Variants in ENOSF1 observed in about 807,000 individuals in gnomAD.
The protein encoded by ENOSF1 is enolase superfamily member 1, also known as mitochondrial enolase superfamily member 1.
Under a neutral mutation model 68.2 loss-of-function variants are expected in ENOSF1, and 73 were observed. That is an observed-to-expected ratio of 1.07 (90% CI 0.89 to 1.30). The LOEUF is 1.30. Among genes scored for constraint, ENOSF1 ranks in the 50% most tolerant of loss-of-function variants. ENOSF1 has a pLI of 0.00. For missense variants in ENOSF1, 589 were observed against 554.5 expected, an observed-to-expected ratio of 1.06 and a Z score of -0.62; for synonymous variants, 223 against 210.4, an observed-to-expected ratio of 1.06 and a Z score of -0.52.
downstream of ENOSF1, chr18:668,947 T>C (rs1380918646): frequency 3.0e-6 from 2 of 671,552 alleles, no homozygotes; most frequent in East Asian, 5.6e-5. Context: ...ATGCACCAGA[T>C]GTCTTGTAGC....
intron 9 of ENOSF1, chr18:688,156 A>G (rs2076803730): frequency 7.0e-6 from 1 of 143,784 alleles, no homozygotes; most frequent in African/African-American, 2.9e-5. Context: ...GACGAGAGTG[A>G]AACTTCATCT....
rs926485190 is a variant in ENOSF1 at position 683,572 on chromosome 18, G to A, written c.742-192C>T. ...GAGCAGCTGCTGAGACGGGGACTCTGGCTCCAGGTACAGTCTTTAGGAGGA... is the reference window on the plus strand; with the variant it reads ...GAGCAGCTGCTGAGACGGGGACTCTAGCTCCAGGTACAGTCTTTAGGAGGA... On this transcript the variant is annotated intron_variant, in intron 10 of 15. Coordinates refer to ENST00000647584, the MANE Select transcript of ENOSF1 (RefSeq NM_017512.7). Among the ~76,000 whole-genome samples, 13 of 152,230 alleles carry A rather than the reference G, an allele frequency of 8.5e-5. 1 individual carries two copies. The highest frequency in any genetic ancestry group is 2.0e-4 in the Admixed American group (3 of 15,292).
At chr18:691,036 A>C (rs2077103698) in intron 7 of ENOSF1, 32 bp downstream of exon 7, 14 of 1,613,166 alleles carry the variant, frequency 8.7e-6, no homozygotes, top group Non-Finnish European at 1.2e-5. Flanking sequence ...AATGTTAGCA[A>C]AAACAATGAA....
downstream of ENOSF1, among the ~76,000 whole-genome samples, chr18:667,003 GGT>G (rs1349463380): frequency 3.1e-4 from 2 of 6,478 alleles, no homozygotes; most frequent in Non-Finnish European, 7.5e-4. Context: ...TGATGGAGAT[GGT>G]GATGGTGATG....
rs2075243954 is a variant in ENOSF1 at position 674,311 on chromosome 18, T to G, written c.1326A>C (p.Glu442Asp). 6.2e-7 allele frequency: 1 copy of G among 1,607,668 alleles called. No homozygotes were observed. Among genetic ancestry groups the G allele is most frequent in the Non-Finnish European group, 8.5e-7 (1 of 1,177,322 alleles). ...AGTTGTTGGGGCTGAGCACTTAATT[T>G]TCTTGAGCAGGAAGGAGTTTCTTCC... ...EVWKKLLPAQ[E>D]N The change falls in exon 16 of 16, where the codon GAA (glutamate) becomes GAC (aspartate). Residue 442 changes from glutamate to aspartate, a missense_variant. Transcript: ENST00000647584.
At position 673,014 on chromosome 18, in the gene ENOSF1, C is replaced by T; in HGVS notation, c.*1291G>A. The T allele has an allele frequency of 6.5e-7, 1 of 1,539,834 alleles. No homozygotes were observed. Among genetic ancestry groups the T allele is most frequent in the Non-Finnish European group, 8.9e-7 (1 of 1,126,322 alleles). On this transcript the variant is annotated 3_prime_UTR_variant, in exon 16 of 16. Transcript: ENST00000647584. The stretch of plus-strand genomic sequence containing the variant: ...GCTGTTTAGGGTGCTTTCAAAGGAG[C>T]TCGAAGGATATTGTCAGTCTTTAGG...
intron 11 of ENOSF1, chr18:683,044 A>G: frequency 1.6e-6 from 1 of 612,926 alleles, no homozygotes; most frequent in South Asian, 2.8e-5. Context: ...ACAAACAGAA[A>G]TAAGGGCAAA....
chr18:668,465 C>T (rs16948305), downstream of ENOSF1, among the ~76,000 whole-genome samples: 19,104 of 152,128 alleles, frequency 0.13, 1,284 homozygotes, highest in Non-Finnish European at 0.15. Context: ...GAGCAAAGTA[C>T]AAGGTGGTGT....
At chr18:702,583 A>C (rs1293159107) in intron 2 of ENOSF1, among the ~76,000 whole-genome samples, 1 of 151,778 alleles carries the variant, frequency 6.6e-6, no homozygotes, top group African/African-American at 2.4e-5. Context: ...TCTCAAAAAA[A>C]AGAAACATTA....
chr18:685,099 A>T (rs1485005127), intron 10 of ENOSF1, among the ~76,000 whole-genome samples: 1 of 152,134 alleles, frequency 6.6e-6, no homozygotes, highest in Non-Finnish European at 1.5e-5. Context: ...CCTGGCCTCA[A>T]GTGATCCACC....
chr18:678,895 C>T (rs184604774), intron 11 of ENOSF1, among the ~76,000 whole-genome samples, 158 bp from the exon 12 acceptor site: 19 of 152,308 alleles, frequency 1.2e-4, no homozygotes, highest in African/African-American at 3.8e-4. Context: ...CACATGCGTG[C>T]GGGAGGGCTC....
rs2853535 is a variant in ENOSF1, at chr18:671,057, C to T, written c.*3248G>A. 242,704 of 667,460 alleles carry T rather than the reference C, an allele frequency of 0.36. 47,890 individuals are homozygous for T. Among genetic ancestry groups the T allele is most frequent in the East Asian group, 0.66 (24,030 of 36,504 alleles). 41.3% of individuals were successfully genotyped at this position (667,460 alleles called of 1,614,324 possible). On this transcript the variant is annotated 3_prime_UTR_variant, in exon 16 of 16. Coordinates refer to ENST00000647584, the MANE Select transcript of ENOSF1 (RefSeq NM_017512.7). ...GAAGGTTTTCTGGCCCTGTGGTATA[C>T]GCACTAACAGATCTATACAGGTTGT...
Position 684,197 on chromosome 18 carries a change from ATG to A in ENOSF1, c.742-819_742-818del. On this transcript the variant is annotated intron_variant, in intron 10 of 15. Coordinates refer to ENST00000647584, the MANE Select transcript of ENOSF1 (RefSeq NM_017512.7). The stretch of plus-strand genomic sequence containing the variant: ...TTTTTAGTAGAGACGGGGTTTCACC[ATG>A]TTAGCCAGGATGGTCTCAATCTCCT... 6.6e-5 allele frequency among the ~76,000 whole-genome samples: 10 copies of A among 151,558 alleles called. 1 individual carries two copies. In the South Asian group the frequency reaches 2.1e-3, roughly 32 times the overall value.
chr18:690,501 T>C (rs2077034785), intron 8 of ENOSF1, 48 bp downstream of exon 8: 4 of 1,597,500 alleles, frequency 2.5e-6, no homozygotes, highest in Non-Finnish European at 2.6e-6. Context: ...AAAAACAGGT[T>C]GGTTTCTCCC....
intron 1 of ENOSF1, among the ~76,000 whole-genome samples, chr18:707,994 G>A (rs1046442853): frequency 1.3e-5 from 2 of 151,358 alleles, no homozygotes; most frequent in Non-Finnish European, 2.9e-5. Context: ...CAAGTAGCTG[G>A]GATTACAGGC....
At chr18:710,889 ATTTAT>A (rs1250583134) in intron 1 of ENOSF1, among the ~76,000 whole-genome samples, 1 of 152,212 alleles carries the variant, frequency 6.6e-6, no homozygotes, top group African/African-American at 2.4e-5. Flanking sequence ...AATTTCCAAC[ATTTAT>A]TTTGAGTTCC....
Position 694,434 on chromosome 18 carries a change from C to G in ENOSF1, c.310-100G>C, listed in dbSNP as rs537479400. On this transcript the variant is annotated intron_variant, in intron 3 of 15. Coordinates refer to ENST00000647584, the MANE Select transcript of ENOSF1 (RefSeq NM_017512.7). ...AAACCCAGGACTTTGGGACCAAGACCAGCCTGGCCAACATGGTGAAACCCC... is the reference window on the plus strand; with the variant it reads ...AAACCCAGGACTTTGGGACCAAGACGAGCCTGGCCAACATGGTGAAACCCC... The G allele has an allele frequency of 1.8e-5, 19 of 1,051,254 alleles. No individual in the cohort carries two copies. The South Asian group carries it at 2.8e-4, about 15-fold the overall frequency. 65.1% of individuals were successfully genotyped at this position (1,051,254 alleles called of 1,614,324 possible). A position where few individuals can be genotyped will look rare whatever the true frequency, so the allele number is the denominator to read the frequency against.
chr18:691,117 TAAAAAGCATC>T lies in ENOSF1; in HGVS notation c.497-21_497-12del, dbSNP rs778882759. The T allele has an allele frequency of 2.1e-5, 34 of 1,614,012 alleles. No homozygotes were observed. Among genetic ancestry groups the T allele is most frequent in the Non-Finnish European group, 3.4e-6 (4 of 1,180,010 alleles). ...CTTTCTGCAGTATTTCTGGAAGAAA[TAAAAAGCATC>T]ACTCACTCTTTTAGGAAACAAAGCA... On this transcript the variant is annotated splice_polypyrimidine_tract_variant and intron_variant, in intron 6 of 15. Coordinates refer to ENST00000647584, the MANE Select transcript of ENOSF1 (RefSeq NM_017512.7).
At chr18:665,274 C>A in the ENOSF1 span, among the ~76,000 whole-genome samples, 1 of 150,754 alleles carries the variant, frequency 6.6e-6, no homozygotes, top group African/African-American at 2.4e-5. Flanking sequence ...GGAATTTATC[C>A]ATTTCTTCTA....
Sources: gnomAD v4.1 joint callset for allele counts (sites outside exome capture counted in the v4.1 genomes callset) on GRCh38, gnomAD v4.1.1 for gene constraint, MANE v1.5 for transcripts, NCBI Gene and HGNC (gene_info 2026-07-23, HGNC 2026-07-21) for gene names.